The following PRH1 variants were observed in gnomAD, a reference collection of about 807,000 sequenced individuals.
The protein encoded by PRH1 is salivary acidic proline-rich phosphoprotein 1/2.
PRH1 carries 7 observed loss-of-function variants against 7.9 expected under a neutral mutation model. The ratio of observed to expected loss-of-function variants is 0.89; its 90% CI spans 0.50 to 1.67. The LOEUF (loss-of-function observed/expected upper bound fraction) is 1.67, where lower values mean the gene tolerates loss of function less well. Among genes scored for constraint, PRH1 ranks in the 40% most tolerant of loss-of-function variants. The probability of loss-of-function intolerance (pLI) is 0.00; values close to 1 mark genes in which losing one functional copy is unlikely to be tolerated. For missense variants in PRH1, 109 were observed against 223.6 expected (o/e 0.49, Z 3.27); for synonymous variants, 45 against 80.8 (o/e 0.56, Z 2.38).
intron 2 of PRH1, among the ~76,000 whole-genome samples, chr12:10,950,970 G>A (rs887208128): frequency 8.5e-5 from 13 of 152,144 alleles, no homozygotes; most frequent in Middle Eastern, 3.4e-3. Context: ...AACTCTCTGC[G>A]ATCCTGATTT....
intron 2 of PRH1, among the ~76,000 whole-genome samples, chr12:10,968,457 G>C (rs1237673938): frequency 1.3e-5 from 2 of 152,192 alleles, no homozygotes; most frequent in African/African-American, 4.8e-5. Flanking sequence ...ATAGCTACAA[G>C]GTAGACTGCT....
chr12:11,072,646 A>G (rs1944126446), intron 1 of PRH1, among the ~76,000 whole-genome samples: 1 of 152,226 alleles, frequency 6.6e-6, no homozygotes, highest in Non-Finnish European at 1.5e-5. Context: ...CTCTACCAAA[A>G]TCAGATACAT....
intron 2 of PRH1, among the ~76,000 whole-genome samples, chr12:10,928,210 T>C (rs1345606440): frequency 2.6e-5 from 4 of 152,196 alleles, no homozygotes; most frequent in African/African-American, 4.8e-5. Flanking sequence ...GAAAAAATCA[T>C]CTTTGTGAAA....
chr12:11,140,653 A>G (rs913645874), intron 1 of PRH1, among the ~76,000 whole-genome samples: 5 of 152,136 alleles, frequency 3.3e-5, no homozygotes, highest in African/African-American at 1.2e-4. Flanking sequence ...GTAAGGTAAA[A>G]TTTTCCATAT....
rs1947676562 is a variant in PRH1, at chr12:11,168,293, A to G, written n.39+3129T>C. On this transcript the variant is annotated intron_variant and non_coding_transcript_variant, in intron 1 of 1. Transcript: ENST00000541175. Reference sequence around the variant, plus strand: ...GAAAGAAAGAAAGAAAGAAAGAAAGAAAGAAAGAAGGAAGGAAGGAAGGAA... The same window carrying G: ...GAAAGAAAGAAAGAAAGAAAGAAAGGAAGAAAGAAGGAAGGAAGGAAGGAA... Among the ~76,000 whole-genome samples, 80 of 43,378 alleles carry G rather than the reference A, an allele frequency of 1.8e-3. 11 individuals carry two copies. Among genetic ancestry groups the G allele is most frequent in the Non-Finnish European group, 2.9e-3 (51 of 17,570 alleles). 28.5% of individuals were successfully genotyped at this position (43,378 alleles called of 152,430 possible). A position where few individuals can be genotyped will look rare whatever the true frequency, so the allele number is the denominator to read the frequency against.
At chr12:10,906,558 T>C (rs909607268) in intron 2 of PRH1, among the ~76,000 whole-genome samples, 12 of 152,186 alleles carry the variant, frequency 7.9e-5, no homozygotes, top group African/African-American at 2.9e-4. Flanking sequence ...AATTCCCATG[T>C]GTTATGGGAG....
At chr12:11,049,361 T>C (rs80068487), upstream of PRH1, 2,232 of 258,674 alleles carry the variant, frequency 8.6e-3, 25 homozygotes, top group Middle Eastern at 0.022. Flanking sequence ...CTTTTAAATG[T>C]GTAGTAACAT....
At chr12:11,063,656 A>G (rs538195240) in intron 1 of PRH1, among the ~76,000 whole-genome samples, 4 of 152,254 alleles carry the variant, frequency 2.6e-5, no homozygotes, top group South Asian at 2.1e-4. Flanking sequence ...TGCTAAACCA[A>G]GAGTGTGGGA....
intron 3 of PRH1, 21 bp downstream of exon 3, chr12:10,882,196 G>C: frequency 1.2e-6 from 2 of 1,612,354 alleles, no homozygotes; most frequent in Non-Finnish European, 1.7e-6. Flanking sequence ...GCCTTTGATG[G>C]ATAATAAACT....
chr12:10,904,024 G>A (rs1425003538), intron 2 of PRH1, among the ~76,000 whole-genome samples: 1 of 148,168 alleles, frequency 6.7e-6, no homozygotes, highest in Non-Finnish European at 1.5e-5. Flanking sequence ...AATCATAGAT[G>A]ACACAAACAA....
intron 1 of PRH1, chr12:10,986,711 A>G: frequency 6.2e-7 from 1 of 1,613,394 alleles, no homozygotes; most frequent in Non-Finnish European, 8.5e-7. Context: ...AGACCGCCAG[A>G]GCAGTGAGAA....
intron 1 of PRH1, among the ~76,000 whole-genome samples, chr12:11,110,924 C>A (rs1945572501): frequency 6.6e-6 from 1 of 152,098 alleles, no homozygotes; most frequent in South Asian, 2.1e-4. Context: ...TGTGCAAAGA[C>A]ACAAATAGTC....
At chr12:11,116,127 TAAAC>T (rs1239544056), downstream of PRH1, among the ~76,000 whole-genome samples, 3 of 151,930 alleles carry the variant, frequency 2.0e-5, no homozygotes, top group East Asian at 5.8e-4. Context: ...CTTGAAAAGT[TAAAC>T]AACATTGACA....
chr12:11,116,432 CAAACAAA>C (rs375628997), downstream of PRH1, among the ~76,000 whole-genome samples: 16 of 151,882 alleles, frequency 1.1e-4, no homozygotes, highest in Admixed American at 6.6e-5. Context: ...CAAAACAAAA[CAAACAAA>C]AAACAAAAAA....
At chr12:11,000,679 T>A (rs1259931368) in intron 1 of PRH1, among the ~76,000 whole-genome samples, 1 of 152,146 alleles carries the variant, frequency 6.6e-6, no homozygotes, top group African/African-American at 2.4e-5. Flanking sequence ...CTTCCAGAAA[T>A]CCAGAAGTAT....
At chr12:11,109,724 C>T (rs189043479) in intron 1 of PRH1, among the ~76,000 whole-genome samples, 1 of 152,076 alleles carries the variant, frequency 6.6e-6, no homozygotes, top group East Asian at 1.9e-4. Flanking sequence ...AAAACCAGGG[C>T]AAAAAAGGCT....
intron 1 of PRH1, among the ~76,000 whole-genome samples, chr12:11,129,422 C>T (rs1196245904): frequency 6.6e-6 from 1 of 152,290 alleles, no homozygotes; most frequent in African/African-American, 2.4e-5. Context: ...AAATTCTCCT[C>T]TACTGGCAAC....
chr12:11,062,103 T>C, intron 1 of PRH1: 1 of 1,613,672 alleles, frequency 6.2e-7, no homozygotes, highest in East Asian at 2.2e-5. Flanking sequence ...CATACCAATT[T>C]AATACTAATA....
At chr12:11,094,087 A>G (rs1405935935) in intron 1 of PRH1, among the ~76,000 whole-genome samples, 1 of 112,710 alleles carries the variant, frequency 8.9e-6, no homozygotes, top group Non-Finnish European at 2.1e-5. Flanking sequence ...GCAGATTATG[A>G]GGTCAAGAGA....
Sources: gnomAD v4.1 joint callset for allele counts (sites outside exome capture counted in the v4.1 genomes callset) on GRCh38, gnomAD v4.1.1 for gene constraint, MANE v1.5 for transcripts, NCBI Gene and HGNC (gene_info 2026-07-23, HGNC 2026-07-21) for gene names.